Variants in PLEKHM2 observed in about 807,000 individuals in gnomAD.
The protein encoded by PLEKHM2 is pleckstrin homology and RUN domain containing M2.
PLEKHM2 carries 77 observed loss-of-function variants against 116.3 expected under a neutral mutation model. The ratio of observed to expected loss-of-function variants is 0.66; its 90% CI spans 0.55 to 0.80. The LOEUF is 0.80. Ranked by LOEUF, PLEKHM2 falls within the 30% of genes least tolerant of loss-of-function variation. The pLI is 0.00. For synonymous variants in PLEKHM2, 562 were observed against 571.0 expected (o/e 0.98, Z 0.22); for missense variants, 1,183 against 1,354.9 (o/e 0.87, Z 1.99).
rs754516943 is a variant in PLEKHM2 at position 15,732,494 on chromosome 1, G to A, written c.2770G>A (p.Val924Ile). Residue 924 changes from valine to isoleucine, a missense_variant, in exon 18 of 20, where the codon GTC (valine) becomes ATC (isoleucine). By Grantham distance (29) the Val-to-Ile change is conservative. Transcript: ENST00000375799. ...GTAKLGDISA[V>I]STEPGKEYCV... The stretch of plus-strand genomic sequence containing the variant: ...AGCCAAGCTGGGCGACATCAGCGCC[G>A]TCTCCACCGAGCCGGGCAAGGAGTA... 41 of 1,608,292 alleles carry A rather than the reference G, an allele frequency of 2.5e-5. No homozygotes were observed. Among genetic ancestry groups the A allele is most frequent in the South Asian group, 3.3e-5 (3 of 90,080 alleles).
chr1:15,717,332 T>C (rs1452414550), intron 3 of PLEKHM2, among the ~76,000 whole-genome samples: 2 of 152,178 alleles, frequency 1.3e-5, no homozygotes, highest in Non-Finnish European at 2.9e-5. Flanking sequence ...GAGGATCCCT[T>C]GAGCCCAGGA....
At position 15,700,842 on chromosome 1, in the gene PLEKHM2, G is replaced by A. The variant is rs147908509; in HGVS notation, c.61-15395G>A. ...AAATGGGGTGTTATTAGCTGGGCGCGGTGGCTCACGCCTGTAACCCCAGCA... is the reference window on the plus strand; with the variant it reads ...AAATGGGGTGTTATTAGCTGGGCGCAGTGGCTCACGCCTGTAACCCCAGCA... On this transcript the variant is annotated intron_variant, in intron 1 of 19. Transcript: ENST00000375799. Among the ~76,000 whole-genome samples the A allele has an allele frequency of 8.0e-3, 1,223 of 152,246 alleles. 15 individuals are homozygous for A. Among genetic ancestry groups the A allele is most frequent in the African/African-American group, 0.027 (1,111 of 41,528 alleles).
intron 1 of PLEKHM2, among the ~76,000 whole-genome samples, chr1:15,699,792 T>G (rs1021751786): frequency 6.6e-6 from 1 of 151,970 alleles, no homozygotes; most frequent in African/African-American, 2.4e-5. Flanking sequence ...AGACTCCATC[T>G]CTATTATTAT....
At chr1:15,726,282 G>A (rs1325665495) in intron 8 of PLEKHM2, among the ~76,000 whole-genome samples, 2 of 152,218 alleles carry the variant, frequency 1.3e-5, no homozygotes, top group East Asian at 1.9e-4. Flanking sequence ...AGGACATGGT[G>A]GGTGGCCAGC....
rs868468787 is a variant in PLEKHM2, at chr1:15,684,398, C to T, written c.-161C>T. 5,825 of 203,812 alleles carry T rather than the reference C, an allele frequency of 0.029. 371 individuals are homozygous for T. The highest frequency in any genetic ancestry group is 0.13 in the African/African-American group (5,393 of 41,676). The allele number at this position is 203,812 out of a possible 1,614,324, so 12.6% of individuals were successfully genotyped here. ...CGGTGGAGCGAGGGCCCAGGCGAGG[C>T]GAGGGCCGGGCGGCGGGCGCCGGGC... is the stretch of plus-strand genomic sequence containing the variant. On this transcript the variant is annotated 5_prime_UTR_variant, in exon 1 of 20. Transcript: ENST00000375799.
At position 15,734,177 on chromosome 1, in the gene PLEKHM2, G is replaced by A. The variant is rs1237226973; in HGVS notation, c.*243G>A. On this transcript the variant is annotated 3_prime_UTR_variant, in exon 20 of 20. Coordinates refer to ENST00000375799, the MANE Select transcript of PLEKHM2 (RefSeq NM_015164.4). ...GGAGGTCGCTGGGGGCAGAGGGTCC[G>A]AGCCCTGTGGGCTCTGCGGATGCAC... 1.9e-6 allele frequency: 1 copy of A among 539,098 alleles called. No individual in the cohort carries two copies. Among genetic ancestry groups the A allele is most frequent in the South Asian group, 2.4e-5 (1 of 41,584 alleles). The allele number at this position is 539,098 out of a possible 1,614,324, so 33.4% of individuals were successfully genotyped here. A position where few individuals can be genotyped will look rare whatever the true frequency, so the allele number is the denominator to read the frequency against.
At chr1:15,715,000 T>C (rs1158772289) in intron 1 of PLEKHM2, among the ~76,000 whole-genome samples, 1 of 152,006 alleles carries the variant, frequency 6.6e-6, no homozygotes, top group Non-Finnish European at 1.5e-5. Context: ...CCTGGTGGGG[T>C]TTGCACAGTG....
rs750614111 is a variant in PLEKHM2, at chr1:15,716,220, G to C, written c.61-17G>C. 1.4e-5 allele frequency: 20 copies of C among 1,383,076 alleles called. No homozygotes were observed. Among genetic ancestry groups the C allele is most frequent in the African/African-American group, 5.9e-5 (4 of 67,306 alleles). 85.7% of individuals were successfully genotyped at this position (1,383,076 alleles called of 1,614,324 possible). The stretch of plus-strand genomic sequence containing the variant: ...CTTAATCCATTTCTGATTTGGAGGT[G>C]TTTTTTTTTCTTTCAGTTGCAGAGC... On this transcript the variant is annotated splice_polypyrimidine_tract_variant and intron_variant, in intron 1 of 19. Transcript: ENST00000375799.
chr1:15,683,952 T>G (rs1390729684), upstream of PLEKHM2, among the ~76,000 whole-genome samples: 13 of 115,706 alleles, frequency 1.1e-4, no homozygotes, highest in African/African-American at 2.7e-4. Flanking sequence ...AGGGCCGGGG[T>G]CCCAGGGTCT....
At position 15,727,209 on chromosome 1, in the gene PLEKHM2, G is replaced by A. The variant is rs2148371752; in HGVS notation, c.1137G>A (p.Pro379=). ...CCCCCCAGGAGGAGGGAGAGGGGCCGAGCAGCACCACGGAGAGCAGCGAGC... is the reference window on the plus strand; with the variant it reads ...CCCCCCAGGAGGAGGGAGAGGGGCCAAGCAGCACCACGGAGAGCAGCGAGC... The part of the protein sequence containing the change: ...LASPQEEGEG[P]SSTTESSERS... Residue 379 remains proline (P), a synonymous_variant, in exon 9 of 20, where the codon CCG becomes CCA. Transcript: ENST00000375799. This position sits in a 1 kb window ranked among gnomAD's most constrained non-coding sequence, Gnocchi z 7.5. 2 of 1,606,872 alleles carry A rather than the reference G, an allele frequency of 1.2e-6. No homozygotes were observed. The highest frequency in any genetic ancestry group is 8.5e-7 in the Non-Finnish European group (1 of 1,177,568).
At position 15,710,992 on chromosome 1, in the gene PLEKHM2, C is replaced by T. The variant is rs543621479; in HGVS notation, c.61-5245C>T. ...GAGTTTGAGACCAGCCTGGCCAACA[C>T]GGTGAAACTGGATCCTTACCTCATG... On this transcript the variant is annotated intron_variant, in intron 1 of 19. Transcript: ENST00000375799. 7.3e-5 allele frequency among the ~76,000 whole-genome samples: 11 copies of T among 150,590 alleles called. No homozygotes were observed. In the South Asian group the frequency reaches 1.7e-3, roughly 23 times the overall value.
chr1:15,684,824 G>C (rs1640731876), intron 1 of PLEKHM2, among the ~76,000 whole-genome samples: 1 of 151,968 alleles, frequency 6.6e-6, no homozygotes, highest in Non-Finnish European at 1.5e-5. Flanking sequence ...AAAGAACAAA[G>C]TTGAGGTCAG....
chr1:15,725,634 G>C, intron 8 of PLEKHM2, 89 bp downstream of exon 8: 1 of 946,854 alleles, frequency 1.1e-6, no homozygotes. Context: ...GGGCAGACCG[G>C]GACACCCCCT....
intron 1 of PLEKHM2, among the ~76,000 whole-genome samples, chr1:15,688,611 T>A (rs1037721587): frequency 6.8e-6 from 1 of 147,068 alleles, no homozygotes; most frequent in African/African-American, 2.6e-5. Context: ...GATCGCGCCA[T>A]TGCACTCCAG....
chr1:15,697,129 C>G (rs944168132), intron 1 of PLEKHM2, among the ~76,000 whole-genome samples: 7 of 152,160 alleles, frequency 4.6e-5, no homozygotes, highest in African/African-American at 2.4e-5. Context: ...CTTTGAAAGC[C>G]TGGTTAAAAT....
At chr1:15,704,403 A>T (rs1241411822) in intron 1 of PLEKHM2, among the ~76,000 whole-genome samples, 2 of 151,334 alleles carry the variant, frequency 1.3e-5, no homozygotes, top group Non-Finnish European at 2.9e-5. Flanking sequence ...TGGCATACCG[A>T]AGCCCCATGT....
At chr1:15,698,080 C>T (rs756031873) in intron 1 of PLEKHM2, among the ~76,000 whole-genome samples, 5 of 152,192 alleles carry the variant, frequency 3.3e-5, no homozygotes, top group Non-Finnish European at 7.3e-5. Flanking sequence ...CAGCTCTACA[C>T]GTTGGGGGAC....
rs1305399562 is a variant in PLEKHM2, at chr1:15,731,238, C to T, written c.2446C>T (p.Leu816=). 1 of 1,594,568 alleles carries T rather than the reference C, an allele frequency of 6.3e-7. No individual in the cohort carries two copies. Among genetic ancestry groups the T allele is most frequent in the East Asian group, 2.3e-5 (1 of 43,970 alleles). The change falls in exon 16 of 20, where the codon CTG becomes TTG. Residue 816 remains leucine, a synonymous_variant. Transcript: ENST00000375799. The stretch of plus-strand genomic sequence containing the variant: ...CCCGGACCGCACCGACGTCATCCCT[C>T]TGCTCTCGGTGAACATGGGGTAAGT... ...QYPDRTDVIP[L]LSVNMGGEQC... is the part of the protein sequence containing the mutation.
At position 15,725,518 on chromosome 1, in the gene PLEKHM2, A is replaced by C; in HGVS notation, c.914A>C (p.Asp305Ala). 6.4e-7 allele frequency: 1 copy of C among 1,572,778 alleles called. No homozygotes were observed. The highest frequency in any genetic ancestry group is 8.6e-7 in the Non-Finnish European group (1 of 1,160,028). The change falls in exon 8 of 20, where the codon GAT becomes GCT. Residue 305 changes from aspartate (D) to alanine (A), a missense_variant. Coordinates refer to ENST00000375799, the MANE Select transcript of PLEKHM2 (RefSeq NM_015164.4). ...GAGGCCCAGGCCCTGGACCCGCCGG[A>C]TGCCTGCACGGAGCTCGAGGTCATC... is the stretch of plus-strand genomic sequence containing the variant. Reference protein sequence around the residue: ...KEEAQALDPPDACTELEVIRV... With the variant: ...KEEAQALDPPAACTELEVIRV...
Sources: gnomAD v4.1 joint callset for allele counts (sites outside exome capture counted in the v4.1 genomes callset) on GRCh38, gnomAD v4.1.1 for gene constraint, Gnocchi (gnomAD v3.1) non-coding constraint, MANE v1.5 for transcripts, NCBI Gene and HGNC (gene_info 2026-07-23, HGNC 2026-07-21) for gene names.